ZNF655: variants seen among roughly 807,000 people sequenced by gnomAD.
ZNF655 encodes Vav-interacting Kruppel-like protein 1.
Under a neutral mutation model 6.6 loss-of-function variants are expected in ZNF655, and 3 were observed. The ratio of observed to expected loss-of-function variants is 0.46; its 90% CI spans 0.21 to 1.18. The LOEUF is 1.18. Among genes scored for constraint, ZNF655 ranks in the 50% most tolerant of loss-of-function variants. The probability of loss-of-function intolerance (pLI) is 0.24; values close to 1 mark genes in which losing one functional copy is unlikely to be tolerated. For synonymous variants in ZNF655, 178 were observed against 195.0 expected (o/e 0.91, Z 0.73); for missense variants, 526 against 572.3 (o/e 0.92, Z 0.83).
chr7:99,572,362 A>C lies in ZNF655; in HGVS notation c.254A>C (p.Glu85Ala). ...AAACACGATATTACCCAAGTTCCTG[A>C]GACTAGAGAAGTGTATAAGTCTGAG... The part of the protein sequence containing the change: ...RLKHDITQVP[E>A]TREVYKSEDR... The change falls in exon 3 of 3, where the codon GAG becomes GCG. Residue 85 changes from glutamate to alanine, a missense_variant. Transcript: ENST00000252713. 1.5e-5 allele frequency: 25 copies of C among 1,613,926 alleles called. No individual in the cohort carries two copies. Among genetic ancestry groups the C allele is most frequent in the Non-Finnish European group, 2.1e-5 (25 of 1,179,944 alleles).
chr7:99,572,043 T>C (rs1584265728), intron 2 of ZNF655, among the ~76,000 whole-genome samples: 1 of 152,224 alleles, frequency 6.6e-6, no homozygotes, highest in Admixed American at 6.5e-5. Context: ...CTTACTCTGC[T>C]GAACATGTCC....
intron 2 of ZNF655, among the ~76,000 whole-genome samples, chr7:99,566,782 T>G (rs1038206917): frequency 6.6e-6 from 1 of 152,178 alleles, no homozygotes; most frequent in African/African-American, 2.4e-5. Flanking sequence ...GTTGAACTCC[T>G]GGGCTCAAGT....
chr7:99,571,723 C>T, intron 2 of ZNF655: 3 of 1,610,150 alleles, frequency 1.9e-6, no homozygotes, highest in Non-Finnish European at 2.5e-6. Context: ...GATCTCCCAG[C>T]TGGAACAGGA....
At position 99,562,217 on chromosome 7, in the gene ZNF655, AG is replaced by A. The variant is rs1168851101; in HGVS notation, c.136+1525del. Reference sequence around the variant, plus strand: ...GTGATGGGTGCTTATTAGATGTTTAAGGGTTATGGGCTTTATTCCGTAGGTT... The same window carrying A: ...GTGATGGGTGCTTATTAGATGTTTAAGGTTATGGGCTTTATTCCGTAGGTT... On this transcript the variant is annotated intron_variant, in intron 2 of 2. Coordinates refer to ENST00000252713, the MANE Select transcript of ZNF655 (RefSeq NM_138494.3). 7 of 985,384 alleles carry A rather than the reference AG, an allele frequency of 7.1e-6. No individual in the cohort carries two copies. The East Asian group carries it at 1.6e-4, about 22-fold the overall frequency. 61.0% of individuals were successfully genotyped at this position (985,384 alleles called of 1,614,324 possible). A position where few individuals can be genotyped will look rare whatever the true frequency, so the allele number is the denominator to read the frequency against.
chr7:99,564,096 G>C (rs200722223), intron 2 of ZNF655: 1 of 1,566,468 alleles, frequency 6.4e-7, no homozygotes, highest in East Asian at 2.3e-5. Context: ...AAGCTCCCCA[G>C]GATGCCACCA....
At chr7:99,567,989 G>C (rs982582801) in intron 2 of ZNF655, among the ~76,000 whole-genome samples, 1 of 150,606 alleles carries the variant, frequency 6.6e-6, no homozygotes, top group South Asian at 2.1e-4. Flanking sequence ...AACCCGGGAG[G>C]TGGAGGTTGC....
chr7:99,573,052 G>T lies in ZNF655; in HGVS notation c.944G>T (p.Ser315Ile). 1 of 1,614,142 alleles carries T rather than the reference G, an allele frequency of 6.2e-7. No individual in the cohort carries two copies. Among genetic ancestry groups the T allele is most frequent in the Non-Finnish European group, 8.5e-7 (1 of 1,179,996 alleles). ...CSSCERVFSR[S>I]VHLTQHQKIH... ...AGTTGTGAAAGAGTCTTCAGTCGTA[G>T]TGTCCACCTTACTCAACATCAGAAA... is the stretch of plus-strand genomic sequence containing the variant. The change falls in exon 3 of 3, where the codon AGT becomes ATT. Residue 315 changes from serine (S) to isoleucine (I), a missense_variant. Coordinates refer to ENST00000252713, the MANE Select transcript of ZNF655 (RefSeq NM_138494.3).
chr7:99,561,965 A>G (rs1584243623), intron 2 of ZNF655: 1 of 1,590,312 alleles, frequency 6.3e-7, no homozygotes, highest in Non-Finnish European at 8.6e-7. Context: ...CTTGACAGCC[A>G]GGTACCAGGT....
At position 99,573,155 on chromosome 7, in the gene ZNF655, G is replaced by A. The variant is rs757796668; in HGVS notation, c.1047G>A (p.Gln349=). Residue 349 remains glutamine (Q), a synonymous_variant, in exon 3 of 3, where the codon CAG becomes CAA. Transcript: ENST00000252713. The part of the protein sequence containing the change: ...FCHTSYLLEH[Q]RVHHEEKAYE... Reference sequence around the variant, plus strand: ...ATACTTCATACCTACTTGAACATCAGAGGGTCCATCATGAAGAGAAAGCCT... The same window carrying A: ...ATACTTCATACCTACTTGAACATCAAAGGGTCCATCATGAAGAGAAAGCCT... The A allele has an allele frequency of 6.2e-7, 1 of 1,614,106 alleles. No homozygotes were observed.
chr7:99,566,308 C>G (rs1414199287), intron 2 of ZNF655, among the ~76,000 whole-genome samples: 2 of 151,946 alleles, frequency 1.3e-5, no homozygotes, highest in Non-Finnish European at 2.9e-5. Context: ...ACTCTGATGA[C>G]AAGAAAAATT....
At chr7:99,564,782 C>G in intron 2 of ZNF655, 2 of 883,424 alleles carry the variant, frequency 2.3e-6, no homozygotes, top group Non-Finnish European at 2.7e-6. Flanking sequence ...ATAGACTGAA[C>G]TTTATCCCAT....
intron 2 of ZNF655, among the ~76,000 whole-genome samples, chr7:99,566,362 T>G (rs1554398041): frequency 6.6e-6 from 1 of 152,132 alleles, no homozygotes; most frequent in Non-Finnish European, 1.5e-5. Flanking sequence ...GTATATAGTT[T>G]GGGACCAGAA....
At chr7:99,560,867 C>G in intron 2 of ZNF655, 172 bp downstream of exon 2, 2 of 640,538 alleles carry the variant, frequency 3.1e-6, no homozygotes, top group Non-Finnish European at 4.9e-6. Flanking sequence ...GTCTGAGCCC[C>G]TTTATTAAGG....
chr7:99,561,044 A>G (rs1210364748), intron 2 of ZNF655: 1 of 171,412 alleles, frequency 5.8e-6, no homozygotes, highest in East Asian at 1.6e-4. Flanking sequence ...ACTTCCTCTT[A>G]GGTTCAGGAC....
At chr7:99,571,345 T>C (rs1265712543) in intron 2 of ZNF655, 6 of 1,278,530 alleles carry the variant, frequency 4.7e-6, no homozygotes, top group Middle Eastern at 2.1e-4. Context: ...TTTTGATACT[T>C]GTAGACCAGA....
At chr7:99,563,120 C>CA (rs1290828357) in intron 2 of ZNF655, 1 of 441,400 alleles carries the variant, frequency 2.3e-6, no homozygotes, top group Non-Finnish European at 4.6e-6. Flanking sequence ...GCAGAAATCT[C>CA]AGATGTTTAC....
chr7:99,563,767 C>A, intron 2 of ZNF655: 1 of 1,418,630 alleles, frequency 7.0e-7, no homozygotes, highest in Non-Finnish European at 9.5e-7. Context: ...CCTGATTATG[C>A]TCAGGATTCA....
Position 99,572,494 on chromosome 7 carries a change from A to G in ZNF655, c.386A>G (p.Asn129Ser). The change falls in exon 3 of 3, where the codon AAT becomes AGT. Residue 129 changes from asparagine (N) to serine (S), a missense_variant. By Grantham distance (46) the Asn-to-Ser change is conservative. Transcript: ENST00000252713. Reference sequence around the variant, plus strand: ...GAAACCTTCACCAGTGAGAAGAACAATGAATGTCATGAACCCGAAAAAAGC... The same window carrying G: ...GAAACCTTCACCAGTGAGAAGAACAGTGAATGTCATGAACCCGAAAAAAGC... The part of the protein sequence containing the change: ...SKETFTSEKN[N>S]ECHEPEKSFS... 6.2e-7 allele frequency: 1 copy of G among 1,614,056 alleles called. No homozygotes were observed. The highest frequency in any genetic ancestry group is 8.5e-7 in the Non-Finnish European group (1 of 1,179,976).
chr7:99,569,705 G>A (rs1222249498), intron 2 of ZNF655, among the ~76,000 whole-genome samples: 1 of 152,126 alleles, frequency 6.6e-6, no homozygotes, highest in African/African-American at 2.4e-5. Flanking sequence ...CAAGTACTTA[G>A]TAAAACTTAA....
Sources: allele counts gnomAD v4.1 joint callset (sites outside exome capture counted in the v4.1 genomes callset), GRCh38; gene constraint gnomAD v4.1.1; transcripts MANE v1.5; gene names NCBI Gene and HGNC (gene_info 2026-07-23, HGNC 2026-07-21).